CNTFR: variants seen among roughly 807,000 people sequenced by gnomAD.
CNTFR encodes ciliary neurotrophic factor receptor subunit alpha.
Under a neutral mutation model 40.4 loss-of-function variants are expected in CNTFR, and 12 were observed. The observed-to-expected ratio is 0.30, with a 90% CI of 0.19 to 0.48. CNTFR has a LOEUF of 0.48. Among genes scored for constraint, CNTFR ranks in the 20% least tolerant of loss-of-function variants. CNTFR has a pLI of 0.99. For missense variants in CNTFR, 414 were observed against 506.8 expected (o/e 0.82, Z 1.76); for synonymous variants, 202 against 209.6 (o/e 0.96, Z 0.31).
At chr9:34,576,048 C>T (rs1310103105) in intron 2 of CNTFR, among the ~76,000 whole-genome samples, 2 of 152,154 alleles carry the variant, frequency 1.3e-5, no homozygotes, top group Non-Finnish European at 2.9e-5. Flanking sequence ...GAGCACCCAG[C>T]GCTCACTTCA....
intron 4 of CNTFR, among the ~76,000 whole-genome samples, chr9:34,558,302 C>T (rs1318058802): frequency 2.0e-5 from 3 of 152,190 alleles, no homozygotes; most frequent in African/African-American, 2.4e-5. Flanking sequence ...CTGGGGGAAT[C>T]GGCCCCAGCC....
chr9:34,563,808 G>T (rs970237159), intron 4 of CNTFR, among the ~76,000 whole-genome samples: 3 of 152,058 alleles, frequency 2.0e-5, no homozygotes, highest in African/African-American at 7.2e-5. Context: ...CCTGGTCCCA[G>T]GTCCTCATCC....
chr9:34,585,994 G>A (rs1156905955), intron 1 of CNTFR, among the ~76,000 whole-genome samples: 1 of 152,220 alleles, frequency 6.6e-6, no homozygotes. Context: ...TGGAGAGCGT[G>A]TGTCCCCTTC....
intron 2 of CNTFR, among the ~76,000 whole-genome samples, chr9:34,579,194 G>A (rs117296896): frequency 0.021 from 3,212 of 152,238 alleles, 83 homozygotes; most frequent in Admixed American, 0.059. Flanking sequence ...ATATTTAAGG[G>A]GCTTTTAGCT....
Position 34,564,635 on chromosome 9 carries a change from A to C in CNTFR, c.283T>G (p.Trp95Gly). The C allele has an allele frequency of 6.2e-7, 1 of 1,612,692 alleles. No individual in the cohort carries two copies. The highest frequency in any genetic ancestry group is 8.5e-7 in the Non-Finnish European group (1 of 1,179,514). Reference protein sequence around the residue: ...GLYACFHRDSWHLRHQVLLHV... With the variant: ...GLYACFHRDSGHLRHQVLLHV... ...AGCAGGACTTGGTGGCGCAGGTGCC[A>C]GGAGTCACGGTGGAAGCAGGCGTAG... Residue 95 changes from tryptophan (W) to glycine (G), a missense_variant, in exon 4 of 10, where the codon TGG becomes GGG. Trp to Gly is a radical substitution (Grantham distance 184). This residue lies in a region of CNTFR where 250 missense variants were observed against 269.5 expected (regional missense o/e 0.93). Coordinates refer to ENST00000378980, the MANE Select transcript of CNTFR (RefSeq NM_147164.3).
At position 34,589,516 on chromosome 9, in the gene CNTFR, G is replaced by A. The variant is rs1010682531; in HGVS notation, c.-112+39C>T. 5.9e-5 allele frequency: 9 copies of A among 152,238 alleles called. 1 individual carries two copies. The highest frequency in any genetic ancestry group is 5.9e-4 in the Admixed American group (9 of 15,296). The allele number at this position is 152,238 out of a possible 1,614,324, so 9.4% of individuals were successfully genotyped here. On this transcript the variant is annotated intron_variant, in intron 1 of 9. Coordinates refer to ENST00000378980, the MANE Select transcript of CNTFR (RefSeq NM_147164.3). This position sits in a 1 kb window ranked among gnomAD's most constrained non-coding sequence, Gnocchi z 4.4. ...CGGTCTGCTGGTCAGCCCGGGCTCT[G>A]AGGGTCCGGCCGCGCGCACTCCGCC...
chr9:34,565,759 G>C (rs762688059), intron 3 of CNTFR, among the ~76,000 whole-genome samples: 1 of 152,200 alleles, frequency 6.6e-6, no homozygotes, highest in South Asian at 2.1e-4. Context: ...AGCACGAAGT[G>C]GGGGAAGCGA....
chr9:34,572,391 T>C (rs577356920), intron 2 of CNTFR, among the ~76,000 whole-genome samples: 71 of 152,252 alleles, frequency 4.7e-4, no homozygotes, highest in African/African-American at 1.7e-3. Context: ...GGCTCTGAGA[T>C]AGATGTGCAG....
At chr9:34,568,801 G>A (rs1044003736) in intron 3 of CNTFR, 96 bp downstream of exon 3, 3 of 1,107,498 alleles carry the variant, frequency 2.7e-6, no homozygotes, top group African/African-American at 1.5e-5. Flanking sequence ...ATGCCAGTGT[G>A]TGACTCTTGG....
In CNTFR at chr9:34,552,019, C is replaced by T. The variant is rs948738329; in HGVS notation, c.*52G>A. The T allele has an allele frequency of 1.8e-5, 19 of 1,048,978 alleles. No homozygotes were observed. The highest frequency in any genetic ancestry group is 9.5e-5 in the Admixed American group (5 of 52,836). 65.0% of individuals were successfully genotyped at this position (1,048,978 alleles called of 1,614,324 possible). On this transcript the variant is annotated 3_prime_UTR_variant, in exon 10 of 10. Transcript: ENST00000378980. This position sits in a 1 kb window ranked among gnomAD's most constrained non-coding sequence, Gnocchi z 5.1. ...AAACCGGGGTCTGCAGGCTCAGCTC[C>T]GGCCTCCTGCTCCTCTGCAGGTGCT...
intron 1 of CNTFR, among the ~76,000 whole-genome samples, chr9:34,584,232 T>A (rs1424410338): frequency 6.6e-6 from 1 of 152,370 alleles, no homozygotes; most frequent in South Asian, 2.1e-4. Context: ...TCTGCAGTTA[T>A]TTAGGATAAC....
At chr9:34,569,287 G>T (rs770533170) in intron 2 of CNTFR, among the ~76,000 whole-genome samples, 3 of 152,206 alleles carry the variant, frequency 2.0e-5, no homozygotes, top group Non-Finnish European at 4.4e-5. Context: ...TGTAGGCAAA[G>T]GTTTGCTAAG....
At chr9:34,570,041 CCT>C (rs1826515544) in intron 2 of CNTFR, 1 of 152,248 alleles carries the variant, frequency 6.6e-6, no homozygotes, top group South Asian at 2.1e-4. Context: ...TAACAAACCC[CCT>C]GACCTTCAGT....
chr9:34,577,412 G>A (rs1163931735), intron 2 of CNTFR, among the ~76,000 whole-genome samples: 3 of 152,182 alleles, frequency 2.0e-5, no homozygotes, highest in Admixed American at 1.3e-4. Flanking sequence ...AAAGAAACCA[G>A]GCAGCAGGGT....
Position 34,552,901 on chromosome 9 carries a change from G to T in CNTFR, c.769-47C>A. ...GGGGTAAGGACACACCTGGGGGCCA[G>T]GAGGGTGAGGTCCCTCCAGAGGAAG... On this transcript the variant is annotated intron_variant, in intron 7 of 9. Coordinates refer to ENST00000378980, the MANE Select transcript of CNTFR (RefSeq NM_147164.3). This position sits in a 1 kb window ranked among gnomAD's most constrained non-coding sequence, Gnocchi z 5.1. 1.3e-6 allele frequency: 2 copies of T among 1,585,618 alleles called. No individual in the cohort carries two copies. Among genetic ancestry groups the T allele is most frequent in the Non-Finnish European group, 1.7e-6 (2 of 1,169,732 alleles).
Position 34,552,458 on chromosome 9 carries a change from T to C in CNTFR, c.950-129A>G. The C allele has an allele frequency of 1.8e-6, 2 of 1,137,966 alleles. No individual in the cohort carries two copies. The highest frequency in any genetic ancestry group is 2.4e-6 in the Non-Finnish European group (2 of 821,046). The allele number at this position is 1,137,966 out of a possible 1,614,324, so 70.5% of individuals were successfully genotyped here. On this transcript the variant is annotated intron_variant, in intron 8 of 9. Transcript: ENST00000378980. This position sits in a 1 kb window ranked among gnomAD's most constrained non-coding sequence, Gnocchi z 5.1. ...TGCCTCCCCCATCAGGCAGATCCTG[T>C]TTCCCAAGGCTCACAGATAACCCCT...
intron 4 of CNTFR, among the ~76,000 whole-genome samples, chr9:34,562,659 T>G (rs1435114004): frequency 6.6e-6 from 1 of 152,216 alleles, no homozygotes; most frequent in Non-Finnish European, 1.5e-5. Flanking sequence ...AGACGACTTT[T>G]GGGCAGTGGG....
intron 4 of CNTFR, among the ~76,000 whole-genome samples, chr9:34,560,025 C>T (rs908551617): frequency 5.3e-5 from 8 of 152,232 alleles, no homozygotes; most frequent in African/African-American, 1.9e-4. Flanking sequence ...TGTCTGTCAT[C>T]TGGCTACTCC....
chr9:34,565,562 T>C (rs1826248654), intron 3 of CNTFR, among the ~76,000 whole-genome samples: 2 of 152,076 alleles, frequency 1.3e-5, no homozygotes, highest in Admixed American at 1.3e-4. Context: ...TTAGGGCAGG[T>C]TGGGGGCTTG....
Sources: gnomAD v4.1 joint callset for allele counts (sites outside exome capture counted in the v4.1 genomes callset) on GRCh38, gnomAD v4.1.1 for gene constraint, gnomAD v4.1.1 regional missense constraint, Gnocchi (gnomAD v3.1) non-coding constraint, MANE v1.5 for transcripts, NCBI Gene and HGNC (gene_info 2026-07-23, HGNC 2026-07-21) for gene names.